The following CDK7 variants were observed in gnomAD, a reference collection of about 807,000 sequenced individuals.
CDK7 encodes cyclin dependent kinase 7, also known as cyclin-dependent kinase 7.
Under a neutral mutation model 49.1 loss-of-function variants are expected in CDK7, and 25 were observed. The ratio of observed to expected loss-of-function variants is 0.51; its 90% CI spans 0.37 to 0.71. The LOEUF (loss-of-function observed/expected upper bound fraction) is 0.71. CDK7 is among the 30% of genes least tolerant of loss of function. CDK7 has a pLI of 0.00. For synonymous variants in CDK7, 107 were observed against 140.0 expected (o/e 0.76, Z 1.67); for missense variants, 316 against 411.7 (o/e 0.77, Z 2.01).
At chr5:69,254,560 G>A in intron 3 of CDK7, 42 bp from the exon 4 acceptor site, 1 of 872,816 alleles carries the variant, frequency 1.1e-6, no homozygotes, top group East Asian at 2.4e-5. Context: ...TAAGGTTTGA[G>A]ATTTCAGAAT....
chr5:69,265,637 G>A (rs1183994439), intron 8 of CDK7, among the ~76,000 whole-genome samples: 3 of 152,060 alleles, frequency 2.0e-5, no homozygotes, highest in Admixed American at 1.3e-4. Flanking sequence ...AGGCCAGGCA[G>A]GGCAGCTCAC....
chr5:69,261,604 C>T (rs1403289971), intron 7 of CDK7, among the ~76,000 whole-genome samples: 1 of 151,944 alleles, frequency 6.6e-6, no homozygotes, highest in Non-Finnish European at 1.5e-5. Context: ...GATCTCTGCT[C>T]ACTGCAACCT....
At chr5:69,241,029 T>C (rs1302120745) in intron 2 of CDK7, among the ~76,000 whole-genome samples, 2 of 152,214 alleles carry the variant, frequency 1.3e-5, no homozygotes, top group East Asian at 3.9e-4. Flanking sequence ...TTGGCTATTC[T>C]GAATAGTGCT....
At chr5:69,257,656 T>C (rs1351484000) in intron 5 of CDK7, among the ~76,000 whole-genome samples, 1 of 152,200 alleles carries the variant, frequency 6.6e-6, no homozygotes, top group Admixed American at 6.5e-5. Flanking sequence ...AGTGTGATAA[T>C]GGGGATGCCT....
chr5:69,262,937 T>G (rs978297512), intron 8 of CDK7, among the ~76,000 whole-genome samples: 1 of 152,182 alleles, frequency 6.6e-6, no homozygotes, highest in Non-Finnish European at 1.5e-5. Context: ...CCTGAGGGTT[T>G]TTTTGTTTGG....
chr5:69,246,915 C>T (rs1749793545), intron 2 of CDK7, among the ~76,000 whole-genome samples: 1 of 151,982 alleles, frequency 6.6e-6, no homozygotes, highest in African/African-American at 2.4e-5. Context: ...TCCAAAATTC[C>T]TCTTGTTATT....
In CDK7 at chr5:69,274,957, C is replaced by T. The variant is rs1021681836; in HGVS notation, c.865-1586C>T. On this transcript the variant is annotated intron_variant, in intron 10 of 11. Transcript: ENST00000256443. ...ATTGTAGCCACTGGACAGCACTATGCTGCTGATGTAAATAGACAAGCATGT... is the reference window on the plus strand; with the variant it reads ...ATTGTAGCCACTGGACAGCACTATGTTGCTGATGTAAATAGACAAGCATGT... Among the ~76,000 whole-genome samples the T allele has an allele frequency of 4.0e-5, 6 of 151,648 alleles. No homozygotes were observed. The East Asian group carries it at 1.2e-3, about 30-fold the overall frequency.
chr5:69,268,251 A>G (rs991478560), intron 8 of CDK7, among the ~76,000 whole-genome samples: 7 of 152,284 alleles, frequency 4.6e-5, no homozygotes, highest in African/African-American at 1.7e-4. Context: ...TACTTACTCA[A>G]CACACCGAAT....
At chr5:69,240,871 C>A (rs138160299) in intron 2 of CDK7, among the ~76,000 whole-genome samples, 6 of 152,264 alleles carry the variant, frequency 3.9e-5, no homozygotes, top group Admixed American at 2.0e-4. Context: ...AAGTGATCTG[C>A]CTGCCTTGGC....
chr5:69,276,917 A>G (rs1752210842), intron 11 of CDK7, among the ~76,000 whole-genome samples, 190 bp from the exon 12 acceptor site: 2 of 152,216 alleles, frequency 1.3e-5, no homozygotes, highest in African/African-American at 4.8e-5. Context: ...GGAACTATGT[A>G]TGTGTACCTT....
intron 1 of CDK7, 59 bp downstream of exon 1, chr5:69,235,100 C>T: frequency 6.6e-7 from 1 of 1,504,382 alleles, no homozygotes; most frequent in Non-Finnish European, 9.1e-7. Flanking sequence ...GCCGCCTCCA[C>T]CTTTGCGGGT....
rs35402446 is a variant in CDK7, at chr5:69,236,239, T to TA, written c.126+803dup. Among the ~76,000 whole-genome samples, 465 of 136,602 alleles carry TA rather than the reference T, an allele frequency of 3.4e-3. 7 individuals carry two copies. The East Asian group carries it at 0.044, about 13-fold the overall frequency. 89.6% of individuals were successfully genotyped at this position (136,602 alleles called of 152,430 possible). On this transcript the variant is annotated intron_variant, in intron 2 of 11. Coordinates refer to ENST00000256443, the MANE Select transcript of CDK7 (RefSeq NM_001799.4). ...CTGGTGACAGAGGGAGACTCCATCT[T>TA]AAAAAAAAAAAAAAAAAGATTTGGG...
At chr5:69,272,755 C>G in intron 9 of CDK7, 137 bp from the exon 10 acceptor site, 2 of 455,820 alleles carry the variant, frequency 4.4e-6, no homozygotes, top group Non-Finnish European at 7.7e-6. Flanking sequence ...CCTTGTCTTA[C>G]TACTAGTTCT....
At chr5:69,266,752 T>C (rs1751184559) in intron 8 of CDK7, among the ~76,000 whole-genome samples, 1 of 151,266 alleles carries the variant, frequency 6.6e-6, no homozygotes, top group African/African-American at 2.4e-5. Flanking sequence ...TTTAGTCATA[T>C]AGAAATCGAT....
chr5:69,271,042 C>T (rs2150230445), intron 9 of CDK7, among the ~76,000 whole-genome samples: 1 of 152,252 alleles, frequency 6.6e-6, no homozygotes, highest in South Asian at 2.1e-4. Flanking sequence ...TTTTAAATAA[C>T]CTGCAAAACT....
chr5:69,245,834 C>T (rs1338199396), intron 2 of CDK7, among the ~76,000 whole-genome samples: 3 of 152,086 alleles, frequency 2.0e-5, no homozygotes, highest in Admixed American at 6.5e-5. Context: ...AGTTTCTTGG[C>T]GTATAGTTAC....
chr5:69,273,050 G>T lies in CDK7; in HGVS notation c.864+9G>T. 6.7e-7 allele frequency: 1 copy of T among 1,494,356 alleles called. No homozygotes were observed. The highest frequency in any genetic ancestry group is 1.5e-5 in the South Asian group (1 of 67,558). The allele number at this position is 1,494,356 out of a possible 1,614,324, so 92.6% of individuals were successfully genotyped here. A position where few individuals can be genotyped will look rare whatever the true frequency, so the allele number is the denominator to read the frequency against. On this transcript the variant is annotated intron_variant, in intron 10 of 11. Transcript: ENST00000256443. Reference sequence around the variant, plus strand: ...GAATTACGGCCACACAGGTATTTTGGTGTATCTTTTTTATACTAGGAAATA... The same window carrying T: ...GAATTACGGCCACACAGGTATTTTGTTGTATCTTTTTTATACTAGGAAATA...
chr5:69,248,978 C>G (rs760629834), intron 2 of CDK7, among the ~76,000 whole-genome samples: 7 of 151,368 alleles, frequency 4.6e-5, no homozygotes, highest in Non-Finnish European at 8.9e-5. Context: ...TCCCAGTGTT[C>G]CATAACTTTC....
At position 69,235,462 on chromosome 5, in the gene CDK7, C is replaced by T. The variant is rs1381440025; in HGVS notation, c.126+9C>T. 6.3e-7 allele frequency: 1 copy of T among 1,577,958 alleles called. No homozygotes were observed. Among genetic ancestry groups the T allele is most frequent in the South Asian group, 1.1e-5 (1 of 90,118 alleles). On this transcript the variant is annotated intron_variant, in intron 2 of 11. Coordinates refer to ENST00000256443, the MANE Select transcript of CDK7 (RefSeq NM_001799.4). ...TTGTCGCCATTAAGAAAGTGAGTTA[C>T]CTTTTTATGTTGTTTTTAAGTCTCC...
Sources: gnomAD v4.1 joint callset for allele counts (sites outside exome capture counted in the v4.1 genomes callset) on GRCh38, gnomAD v4.1.1 for gene constraint, MANE v1.5 for transcripts, NCBI Gene and HGNC (gene_info 2026-07-23, HGNC 2026-07-21) for gene names.